SEMA3C: variants seen among roughly 807,000 people sequenced by gnomAD.
SEMA3C encodes semaphorin-3C.
Under a neutral mutation model 89.4 loss-of-function variants are expected in SEMA3C, and 47 were observed. The observed-to-expected ratio is 0.53, with a 90% confidence interval of 0.42 to 0.67. SEMA3C has a LOEUF of 0.67. SEMA3C is among the 30% of genes least tolerant of loss of function. SEMA3C has a pLI of 0.00. For synonymous variants in SEMA3C, 310 were observed against 320.2 expected, an observed-to-expected ratio of 0.97 and a Z score of 0.34; for missense variants, 839 against 929.1, an observed-to-expected ratio of 0.90 and a Z score of 1.26.
chr7:80,757,993 A>T (rs1418281224), intron 15 of SEMA3C, among the ~76,000 whole-genome samples: 1 of 152,154 alleles, frequency 6.6e-6, no homozygotes, highest in Non-Finnish European at 1.5e-5. Context: ...AAATAAAATT[A>T]AAAAGATATA....
intron 2 of SEMA3C, chr7:80,847,288 A>G (rs1022931124): frequency 6.6e-6 from 1 of 152,196 alleles, no homozygotes; most frequent in African/African-American, 2.4e-5. Flanking sequence ...AAAGAATGGT[A>G]TAGATCACTC....
intron 13 of SEMA3C, among the ~76,000 whole-genome samples, chr7:80,762,634 A>T (rs758733767): frequency 7.2e-5 from 11 of 152,176 alleles, no homozygotes; most frequent in Non-Finnish European, 1.3e-4. Flanking sequence ...AGCCTGGCCA[A>T]AATAGTGAAA....
intron 3 of SEMA3C, 32 bp from the exon 4 acceptor site, chr7:80,827,519 T>A (rs748663313): frequency 9.5e-6 from 15 of 1,573,028 alleles, no homozygotes; most frequent in Non-Finnish European, 1.1e-5. Flanking sequence ...GGTTGCATAA[T>A]CTCACCTGGA....
At chr7:80,765,098 A>G (rs1348344285) in intron 13 of SEMA3C, 57 bp downstream of exon 13, 18 of 1,195,336 alleles carry the variant, frequency 1.5e-5, no homozygotes, top group Non-Finnish European at 2.2e-5. Flanking sequence ...TGGCTGTAAG[A>G]TTAAAGAATT....
intron 2 of SEMA3C, among the ~76,000 whole-genome samples, chr7:80,878,622 G>T (rs2116086178): frequency 6.6e-6 from 1 of 152,198 alleles, no homozygotes; most frequent in South Asian, 2.1e-4. Context: ...ATCCAAGTTA[G>T]ATATCTTAAG....
intron 2 of SEMA3C, among the ~76,000 whole-genome samples, chr7:80,869,306 A>G (rs1444548322): frequency 1.3e-5 from 2 of 152,198 alleles, no homozygotes; most frequent in Non-Finnish European, 2.9e-5. Flanking sequence ...AGCAAGGAAA[A>G]TCAGCATCTC....
intron 2 of SEMA3C, among the ~76,000 whole-genome samples, chr7:80,848,359 C>T (rs1790437029): frequency 1.3e-5 from 2 of 152,032 alleles, no homozygotes; most frequent in South Asian, 4.1e-4. Flanking sequence ...CCTCTACCTA[C>T]AAAAATAGTG....
Position 80,743,408 on chromosome 7 carries a change from C to A in SEMA3C, c.*1486G>T, listed in dbSNP as rs549833283. On this transcript the variant is annotated 3_prime_UTR_variant, in exon 18 of 18. Transcript: ENST00000265361. ...TTTTAGACTGCAATACTTAAAAAGG[C>A]CATAATCTACTTTAATTACCTTCAT... The A allele has an allele frequency of 8.6e-5, 13 of 151,712 alleles. No individual in the cohort carries two copies. In the East Asian group the frequency reaches 2.5e-3, roughly 29 times the overall value. The allele number at this position is 151,712 out of a possible 1,614,324, so 9.4% of individuals were successfully genotyped here. A position where few individuals can be genotyped will look rare whatever the true frequency, so the allele number is the denominator to read the frequency against.
chr7:80,805,661 T>C lies in SEMA3C; in HGVS notation c.636A>G (p.Gln212=), dbSNP rs1165567382. ...TACCACTTAGCCATTTGGAATTATG[T>C]TGATCAGTTCTGACCGCATTCCTCT... ...LTKRNAVRTD[Q]HNSKWLSEPM... The change falls in exon 7 of 18, where the codon CAA becomes CAG. Residue 212 remains glutamine, a synonymous_variant. Transcript: ENST00000265361. 2.7e-5 allele frequency: 44 copies of C among 1,603,332 alleles called. No individual in the cohort carries two copies. The highest frequency in any genetic ancestry group is 1.7e-4 in the Middle Eastern group (1 of 6,042).
At chr7:80,864,415 A>C (rs1790878139) in intron 2 of SEMA3C, among the ~76,000 whole-genome samples, 1 of 152,162 alleles carries the variant, frequency 6.6e-6, no homozygotes, top group East Asian at 1.9e-4. Context: ...TAAAAAAGTA[A>C]AATAAAGAAG....
chr7:80,913,859 G>C (rs928866485), intron 2 of SEMA3C, among the ~76,000 whole-genome samples: 5 of 152,088 alleles, frequency 3.3e-5, no homozygotes, highest in Admixed American at 6.6e-5. Flanking sequence ...CAAGAAAAAG[G>C]GATGGAACAT....
chr7:80,861,127 T>C (rs1790761182), intron 2 of SEMA3C, among the ~76,000 whole-genome samples: 1 of 152,082 alleles, frequency 6.6e-6, no homozygotes, highest in Non-Finnish European at 1.5e-5. Flanking sequence ...CAGGGCAGAC[T>C]TTCAGTATAA....
rs1459146887 is a variant in SEMA3C at position 80,761,547 on chromosome 7, T to C, written c.1485+69A>G. On this transcript the variant is annotated intron_variant, in intron 14 of 17. Coordinates refer to ENST00000265361, the MANE Select transcript of SEMA3C (RefSeq NM_006379.5). ...ACGATAACTAATTATTCAGAAGTTA[T>C]AAAATATAATTTTTCATAACAACAA... is the stretch of plus-strand genomic sequence containing the variant. 1.2e-5 allele frequency: 10 copies of C among 858,802 alleles called. No homozygotes were observed. In the East Asian group the frequency reaches 2.3e-4, roughly 20 times the overall value. The allele number at this position is 858,802 out of a possible 1,614,324, so 53.2% of individuals were successfully genotyped here.
intron 2 of SEMA3C, among the ~76,000 whole-genome samples, chr7:80,853,170 A>C: frequency 6.7e-6 from 1 of 149,418 alleles, no homozygotes; most frequent in South Asian, 2.1e-4. Flanking sequence ...TATTGATGAG[A>C]ATGTAAATTA....
chr7:80,881,082 G>A (rs1446772451), intron 2 of SEMA3C, among the ~76,000 whole-genome samples: 1 of 151,200 alleles, frequency 6.6e-6, no homozygotes, highest in Non-Finnish European at 1.5e-5. Context: ...TTAATTGCAA[G>A]GATGTACGAT....
At chr7:80,815,392 T>C (rs1448478232) in intron 5 of SEMA3C, among the ~76,000 whole-genome samples, 1 of 151,586 alleles carries the variant, frequency 6.6e-6, no homozygotes, top group Non-Finnish European at 1.5e-5. Flanking sequence ...AAAGGATGAA[T>C]AAAGGCATAG....
intron 2 of SEMA3C, among the ~76,000 whole-genome samples, chr7:80,867,855 A>G (rs1042211653): frequency 2.6e-5 from 4 of 152,168 alleles, no homozygotes; most frequent in Non-Finnish European, 4.4e-5. Context: ...TTGATGATCA[A>G]TTGGAACTGA....
chr7:80,752,918 T>C (rs548539304), intron 15 of SEMA3C, among the ~76,000 whole-genome samples: 2 of 152,312 alleles, frequency 1.3e-5, no homozygotes, highest in Admixed American at 6.5e-5. Flanking sequence ...ATGCTAAGTC[T>C]TTCTTCATAC....
chr7:80,915,600 G>A (rs59333816), intron 2 of SEMA3C: 17,509 of 152,318 alleles, frequency 0.11, 1,810 homozygotes, highest in African/African-American at 0.27. Flanking sequence ...AAATTAGCTC[G>A]GTGTGGTGGC....
Sources: allele counts gnomAD v4.1 joint callset (sites outside exome capture counted in the v4.1 genomes callset), GRCh38; gene constraint gnomAD v4.1.1; transcripts MANE v1.5; gene names NCBI Gene and HGNC (gene_info 2026-07-23, HGNC 2026-07-21).